The following FAF1 variants were observed in gnomAD, a reference collection of about 807,000 sequenced individuals.
FAF1 encodes FAS-associated factor 1.
In FAF1, 25 loss-of-function variants were observed where a neutral mutation model predicts 92.5. The observed-to-expected ratio is 0.27, with a 90% confidence interval of 0.20 to 0.38. The LOEUF (loss-of-function observed/expected upper bound fraction) is 0.38, where lower values mean the gene tolerates loss of function less well. Among genes scored for constraint, FAF1 ranks in the 10% least tolerant of loss-of-function variants. The pLI, the probability that FAF1 is intolerant of heterozygous loss-of-function variation, is 1.00. For missense variants in FAF1, 636 were observed against 793.3 expected, an observed-to-expected ratio of 0.80 and a Z score of 2.38; for synonymous variants, 234 against 273.2, an observed-to-expected ratio of 0.86 and a Z score of 1.42.
At chr1:50,820,846 A>AAT (rs1291877985) in intron 2 of FAF1, among the ~76,000 whole-genome samples, 5 of 148,412 alleles carry the variant, frequency 3.4e-5, no homozygotes, top group Non-Finnish European at 7.5e-5. Context: ...GCTGAATAAT[A>AAT]ATGTGTGTGT....
chr1:50,685,141 C>G (rs1557474153), intron 7 of FAF1, among the ~76,000 whole-genome samples: 2 of 152,122 alleles, frequency 1.3e-5, no homozygotes, highest in Non-Finnish European at 2.9e-5. Flanking sequence ...GGGAGAAGAG[C>G]TGAGGGAACT....
At chr1:50,859,426 C>T (rs975020406) in intron 1 of FAF1, among the ~76,000 whole-genome samples, 3 of 151,794 alleles carry the variant, frequency 2.0e-5, no homozygotes, top group African/African-American at 4.8e-5. Context: ...ACACAAAAAT[C>T]GATGTACAAA....
intron 2 of FAF1, among the ~76,000 whole-genome samples, chr1:50,829,450 A>T (rs1200724740): frequency 6.6e-6 from 1 of 152,188 alleles, no homozygotes; most frequent in African/African-American, 2.4e-5. Flanking sequence ...GTAAACTATA[A>T]ATCAATTCAC....
chr1:50,622,130 A>T (rs948947277), intron 8 of FAF1, among the ~76,000 whole-genome samples: 2 of 149,310 alleles, frequency 1.3e-5, no homozygotes, highest in Non-Finnish European at 3.0e-5. Context: ...ACACCACTGC[A>T]CTCCAGCCTG....
chr1:50,763,321 C>T (rs180928356), intron 4 of FAF1, among the ~76,000 whole-genome samples: 1,752 of 148,110 alleles, frequency 0.012, 13 homozygotes, highest in Non-Finnish European at 0.016. Context: ...CTTTGTTTCT[C>T]TGGCTCTGGC....
chr1:50,663,402 A>C (rs1012692598), intron 7 of FAF1, among the ~76,000 whole-genome samples: 4 of 150,110 alleles, frequency 2.7e-5, no homozygotes, highest in African/African-American at 1.0e-4. Context: ...CTTTTTTTTA[A>C]ATTTTAATTT....
At chr1:50,907,617 T>C (rs1044111563) in intron 1 of FAF1, among the ~76,000 whole-genome samples, 34 of 152,204 alleles carry the variant, frequency 2.2e-4, no homozygotes, top group African/African-American at 8.2e-4. Context: ...GGAGGGTGCA[T>C]GTGTCAAGGA....
chr1:50,441,162 G>C lies in FAF1; in HGVS notation c.*278C>G. The C allele has an allele frequency of 2.9e-6, 1 of 342,486 alleles. No homozygotes were observed. The highest frequency in any genetic ancestry group is 4.9e-5 in the East Asian group (1 of 20,610). 21.2% of individuals were successfully genotyped at this position (342,486 alleles called of 1,614,324 possible). On this transcript the variant is annotated 3_prime_UTR_variant, in exon 19 of 19. Transcript: ENST00000396153. Reference sequence around the variant, plus strand: ...TTCTATTTAGTGATCACTCACACTTGAACAATGCATTCGTCATTGAAGGAG... The same window carrying C: ...TTCTATTTAGTGATCACTCACACTTCAACAATGCATTCGTCATTGAAGGAG...
At chr1:50,660,976 GTGC>G (rs1397810232) in intron 7 of FAF1, among the ~76,000 whole-genome samples, 19 of 151,970 alleles carry the variant, frequency 1.3e-4, no homozygotes, top group Admixed American at 6.6e-4. Flanking sequence ...AGGAAAAGAG[GTGC>G]TAAACATATA....
intron 1 of FAF1, among the ~76,000 whole-genome samples, chr1:50,905,697 T>C (rs1644832086): frequency 6.6e-6 from 1 of 152,280 alleles, no homozygotes; most frequent in Non-Finnish European, 1.5e-5. Context: ...GAAGTGTCTG[T>C]TAATATCCTT....
chr1:50,787,978 T>TTTA, intron 4 of FAF1, 22 bp downstream of exon 4: 1 of 1,590,880 alleles, frequency 6.3e-7, no homozygotes, highest in Non-Finnish European at 8.6e-7. Context: ...TTGTGAAGGC[T>TTTA]TTATGGCAGG....
chr1:50,704,734 A>T (rs1208321138), intron 7 of FAF1, among the ~76,000 whole-genome samples: 1 of 152,196 alleles, frequency 6.6e-6, no homozygotes, highest in African/African-American at 2.4e-5. Flanking sequence ...ATCAGAAAAA[A>T]ATTTTAAAGA....
At chr1:50,866,306 T>A (rs1178154842) in intron 1 of FAF1, among the ~76,000 whole-genome samples, 1 of 152,058 alleles carries the variant, frequency 6.6e-6, no homozygotes, top group African/African-American at 2.4e-5. Flanking sequence ...CTTTCACCAC[T>A]TCTATTCAAC....
At chr1:50,733,423 AT>A (rs1414805663) in intron 6 of FAF1, among the ~76,000 whole-genome samples, 1 of 152,152 alleles carries the variant, frequency 6.6e-6, no homozygotes, top group Non-Finnish European at 1.5e-5. Context: ...CTCCACCCGT[AT>A]CTCTCTGCTA....
chr1:50,714,282 T>A (rs1658079482), intron 6 of FAF1, among the ~76,000 whole-genome samples: 1 of 150,256 alleles, frequency 6.7e-6, no homozygotes, highest in Non-Finnish European at 1.5e-5. Flanking sequence ...GCGGGTGGAT[T>A]ACTTGAGGTC....
chr1:50,467,004 C>T (rs1334332209), intron 18 of FAF1, among the ~76,000 whole-genome samples: 3 of 152,200 alleles, frequency 2.0e-5, no homozygotes, highest in African/African-American at 7.2e-5. Context: ...TGGTTACCCA[C>T]GCCAGCAGGG....
chr1:50,814,730 T>A (rs1643951151), intron 2 of FAF1, among the ~76,000 whole-genome samples: 1 of 152,174 alleles, frequency 6.6e-6, no homozygotes, highest in African/African-American at 2.4e-5. Flanking sequence ...AATAAGTACA[T>A]GGAAAGATGC....
chr1:50,880,496 G>A (rs1465143412), intron 1 of FAF1, among the ~76,000 whole-genome samples: 3 of 152,148 alleles, frequency 2.0e-5, no homozygotes, highest in Non-Finnish European at 4.4e-5. Flanking sequence ...TGATCCAACA[G>A]GATTACTATC....
At chr1:50,519,232 A>C (rs1416868301) in intron 15 of FAF1, among the ~76,000 whole-genome samples, 3 of 151,954 alleles carry the variant, frequency 2.0e-5, no homozygotes, top group Non-Finnish European at 4.4e-5. Flanking sequence ...TGGGGGGCTG[A>C]GGCAGGAGAA....
Sources: allele counts gnomAD v4.1 joint callset (sites outside exome capture counted in the v4.1 genomes callset), GRCh38; gene constraint gnomAD v4.1.1; transcripts MANE v1.5; gene names NCBI Gene and HGNC (gene_info 2026-07-23, HGNC 2026-07-21).